Variants in SUGCT observed in about 807,000 individuals in gnomAD.
SUGCT encodes the protein succinyl-CoA:glutarate CoA-transferase.
SUGCT carries 41 observed loss-of-function variants against 55.0 expected under a neutral mutation model. The ratio of observed to expected loss-of-function variants is 0.74; its 90% confidence interval spans 0.58 to 0.97. The LOEUF (loss-of-function observed/expected upper bound fraction) is 0.97. Among genes scored for constraint, SUGCT ranks in the 50% least tolerant of loss-of-function variants. SUGCT has a pLI of 0.00. For missense variants in SUGCT, 568 were observed against 547.8 expected (o/e 1.04, Z -0.37); for synonymous variants, 187 against 200.4 (o/e 0.93, Z 0.56).
chr7:41,007,193 T>A, the SUGCT span, among the ~76,000 whole-genome samples: 3 of 152,176 alleles, frequency 2.0e-5, no homozygotes, highest in African/African-American at 7.2e-5. Flanking sequence ...AACACAGATT[T>A]TGATAGAAGA....
At chr7:40,655,832 T>C (rs1474818731) in intron 12 of SUGCT, among the ~76,000 whole-genome samples, 1 of 152,226 alleles carries the variant, frequency 6.6e-6, no homozygotes, top group African/African-American at 2.4e-5. Flanking sequence ...AGAATACTTT[T>C]AAATCCATGT....
At chr7:40,699,583 T>G (rs1785087032) in intron 12 of SUGCT, among the ~76,000 whole-genome samples, 2 of 152,316 alleles carry the variant, frequency 1.3e-5, no homozygotes. Context: ...TTAAATGCTG[T>G]TAAGGCCCCT....
intron 10 of SUGCT, among the ~76,000 whole-genome samples, chr7:40,457,573 A>C (rs1789560007): frequency 1.3e-5 from 2 of 152,178 alleles, no homozygotes; most frequent in South Asian, 4.1e-4. Context: ...TTTTAATTTA[A>C]GCTCCAAAAT....
chr7:40,716,038 A>G (rs1343005923), intron 12 of SUGCT, among the ~76,000 whole-genome samples: 1 of 152,212 alleles, frequency 6.6e-6, no homozygotes, highest in Non-Finnish European at 1.5e-5. Context: ...AGCACAGACA[A>G]GCCGCTTATT....
chr7:40,561,705 T>G (rs1356608117), intron 12 of SUGCT, among the ~76,000 whole-genome samples: 8 of 148,010 alleles, frequency 5.4e-5, no homozygotes, highest in Non-Finnish European at 7.5e-5. Context: ...TTTTTTTTTT[T>G]TTTTGAGATG....
At chr7:40,381,423 A>G (rs1213209158) in intron 9 of SUGCT, among the ~76,000 whole-genome samples, 1 of 151,910 alleles carries the variant, frequency 6.6e-6, no homozygotes, top group Admixed American at 6.6e-5. Context: ...TGGATAAAGT[A>G]TTATTATGAA....
chr7:40,359,477 T>G (rs1798044711), intron 9 of SUGCT, among the ~76,000 whole-genome samples: 1 of 152,170 alleles, frequency 6.6e-6, no homozygotes, highest in Admixed American at 6.5e-5. Context: ...AATGCTGGGA[T>G]TACAGGCGTG....
At position 40,216,852 on chromosome 7, in the gene SUGCT, T is replaced by C. The variant is rs367891754; in HGVS notation, c.485-20783T>C. Among the ~76,000 whole-genome samples the C allele has an allele frequency of 4.0e-3, 586 of 147,104 alleles. 8 individuals carry two copies. Among genetic ancestry groups the C allele is most frequent in the South Asian group, 0.018 (82 of 4,678 alleles). ...GCCTAGGTGACAGTGAGAAATTCCA[T>C]CTCGAAAAAAAAAAAAAGAAAAGTG... On this transcript the variant is annotated intron_variant, in intron 6 of 13. Coordinates refer to ENST00000335693, the MANE Select transcript of SUGCT (RefSeq NM_001193313.2).
At chr7:40,561,553 A>G (rs1048924594) in intron 12 of SUGCT, among the ~76,000 whole-genome samples, 3 of 152,132 alleles carry the variant, frequency 2.0e-5, no homozygotes, top group African/African-American at 7.2e-5. Context: ...AACAGGAATA[A>G]GACAAACACA....
At chr7:40,978,058 G>A in the SUGCT span, among the ~76,000 whole-genome samples, 10 of 152,310 alleles carry the variant, frequency 6.6e-5, no homozygotes, top group African/African-American at 2.4e-4. Flanking sequence ...AGCCCCTGCA[G>A]TGTCTTTGTG....
chr7:40,610,031 A>C (rs1798701645), intron 12 of SUGCT, among the ~76,000 whole-genome samples: 1 of 152,192 alleles, frequency 6.6e-6, no homozygotes, highest in Non-Finnish European at 1.5e-5. Context: ...AAGCTTGTTC[A>C]TCAAATAATA....
chr7:40,730,194 G>A (rs976092539), intron 12 of SUGCT, among the ~76,000 whole-genome samples: 3 of 152,088 alleles, frequency 2.0e-5, no homozygotes, highest in Admixed American at 1.3e-4. Flanking sequence ...TGCAAGCTCC[G>A]CCTCTCAGGT....
chr7:40,618,925 T>A (rs759690094), intron 12 of SUGCT, among the ~76,000 whole-genome samples: 1 of 152,202 alleles, frequency 6.6e-6, no homozygotes, highest in Non-Finnish European at 1.5e-5. Flanking sequence ...TCTGAACTTA[T>A]AGATAGAGGA....
At position 40,357,769 on chromosome 7, in the gene SUGCT, CT is replaced by C. The variant is rs565127371; in HGVS notation, c.816+40922del. 3.9e-3 allele frequency among the ~76,000 whole-genome samples: 577 copies of C among 147,854 alleles called. 5 individuals carry two copies. The highest frequency in any genetic ancestry group is 9.0e-3 in the African/African-American group (360 of 40,030). On this transcript the variant is annotated intron_variant, in intron 9 of 13. Transcript: ENST00000335693. ...TTTTTGTCTTTTTAAAATCTTTTTTCTTTTTTTTAATCTTCTTTTGATTTTT... is the reference window on the plus strand; with the variant it reads ...TTTTTGTCTTTTTAAAATCTTTTTTCTTTTTTTAATCTTCTTTTGATTTTT...
At chr7:40,531,450 A>G (rs1161008255) in intron 12 of SUGCT, among the ~76,000 whole-genome samples, 1 of 150,698 alleles carries the variant, frequency 6.6e-6, no homozygotes, top group East Asian at 2.0e-4. Context: ...GGTCCTTTTT[A>G]TTTCTATCTA....
rs536790443 is a variant in SUGCT, at chr7:40,202,488, T to C, written c.484+7428T>C. On this transcript the variant is annotated intron_variant, in intron 6 of 13. Transcript: ENST00000335693. ...ATGCATGCATGTGTCTGCATGTCTA[T>C]GTGTTTCGGAAGAGCCTAGTCAGTT... 3.9e-5 allele frequency among the ~76,000 whole-genome samples: 6 copies of C among 152,314 alleles called. No individual in the cohort carries two copies. The South Asian group carries it at 1.0e-3, about 26-fold the overall frequency.
chr7:40,632,837 A>C (rs534116166), intron 12 of SUGCT, among the ~76,000 whole-genome samples: 1 of 152,176 alleles, frequency 6.6e-6, no homozygotes, highest in Non-Finnish European at 1.5e-5. Flanking sequence ...ATTGAAGTGC[A>C]TGAGTATTCT....
At chr7:40,215,287 C>T (rs1025844209) in intron 6 of SUGCT, among the ~76,000 whole-genome samples, 6 of 152,094 alleles carry the variant, frequency 3.9e-5, no homozygotes, top group East Asian at 2.0e-4. Context: ...GGACTACAGG[C>T]GCGTGCCACC....
intron 12 of SUGCT, among the ~76,000 whole-genome samples, chr7:40,660,178 C>G (rs1020389433): frequency 2.0e-5 from 3 of 152,158 alleles, no homozygotes; most frequent in African/African-American, 7.2e-5. Flanking sequence ...GAGAGGCTCT[C>G]CCATATTCAA....
Sources: gnomAD v4.1 joint callset for allele counts (sites outside exome capture counted in the v4.1 genomes callset) on GRCh38, gnomAD v4.1.1 for gene constraint, MANE v1.5 for transcripts, NCBI Gene and HGNC (gene_info 2026-07-23, HGNC 2026-07-21) for gene names.